The following ACACA variants were observed in gnomAD, a reference collection of about 807,000 sequenced individuals.
The protein encoded by ACACA is acetyl-CoA carboxylase 1.
In ACACA, 103 loss-of-function variants were observed where a neutral mutation model predicts 296.1. The observed-to-expected ratio is 0.35, with a 90% CI of 0.30 to 0.41. ACACA has a LOEUF of 0.41. ACACA is among the 10% of genes least tolerant of loss of function. The pLI, the probability that ACACA is intolerant of heterozygous loss-of-function variation, is 1.00. For synonymous variants in ACACA, 953 were observed against 1,038.6 expected, an observed-to-expected ratio of 0.92 and a Z score of 1.58; for missense variants, 1,554 against 2,989.7, an observed-to-expected ratio of 0.52 and a Z score of 11.20.
chr17:37,377,872 C>T lies in ACACA; in HGVS notation c.38+28390G>A, dbSNP rs747097384. On this transcript the variant is annotated intron_variant, in intron 1 of 55. Transcript: ENST00000616317. ...GGTTCCCCTCCTCCCCCTCTGCTCACCCCCAGACCTCAGAGATAGCAGTTG... is the reference window on the plus strand; with the variant it reads ...GGTTCCCCTCCTCCCCCTCTGCTCATCCCCAGACCTCAGAGATAGCAGTTG... The T allele has an allele frequency of 8.1e-6, 13 of 1,611,814 alleles. No homozygotes were observed. The African/African-American group carries it at 1.2e-4, about 15-fold the overall frequency.
intron 30 of ACACA, 79 bp downstream of exon 30, chr17:37,210,387 TG>T: frequency 7.8e-7 from 1 of 1,275,882 alleles, no homozygotes; most frequent in Non-Finnish European, 1.1e-6. Flanking sequence ...TCAAGTGTTG[TG>T]GTTTTTTTTT....
At chr17:37,294,390 T>C (rs2083228433) in intron 3 of ACACA, among the ~76,000 whole-genome samples, 1 of 152,234 alleles carries the variant, frequency 6.6e-6, no homozygotes, top group Non-Finnish European at 1.5e-5. Flanking sequence ...TTAAGTGCTC[T>C]TTTATTTATA....
chr17:37,165,313 T>C (rs898664948), intron 41 of ACACA, among the ~76,000 whole-genome samples: 1 of 152,136 alleles, frequency 6.6e-6, no homozygotes, highest in Non-Finnish European at 1.5e-5. Context: ...ATAGGGCATA[T>C]AAAGGTGAAC....
chr17:37,239,712 G>A (rs1045896194), intron 24 of ACACA, among the ~76,000 whole-genome samples: 3 of 152,096 alleles, frequency 2.0e-5, no homozygotes, highest in Non-Finnish European at 2.9e-5. Context: ...CCTTGAATGC[G>A]TGGGATAAAG....
At chr17:37,386,571 G>A (rs986740078) in intron 1 of ACACA, among the ~76,000 whole-genome samples, 1 of 151,632 alleles carries the variant, frequency 6.6e-6, no homozygotes, top group Non-Finnish European at 1.5e-5. Context: ...CAGCAGGGGC[G>A]ACAGAGTGAG....
At chr17:37,195,561 G>A (rs550367550) in intron 35 of ACACA, among the ~76,000 whole-genome samples, 11 of 151,732 alleles carry the variant, frequency 7.2e-5, no homozygotes, top group South Asian at 4.2e-4. Flanking sequence ...GTAACTCCCC[G>A]GTAAAATCCT....
At chr17:37,382,001 A>G (rs771654459) in intron 1 of ACACA, among the ~76,000 whole-genome samples, 3 of 152,104 alleles carry the variant, frequency 2.0e-5, no homozygotes, top group Non-Finnish European at 4.4e-5. Context: ...AAATACAAAC[A>G]ATTCCGAAAA....
At chr17:37,110,036 G>A (rs1456824412) in intron 52 of ACACA, among the ~76,000 whole-genome samples, 2 of 150,384 alleles carry the variant, frequency 1.3e-5, no homozygotes, top group African/African-American at 4.9e-5. Flanking sequence ...GACCGACTTT[G>A]ACAAATTTTA....
chr17:37,343,322 A>G (rs1253603682), intron 1 of ACACA, among the ~76,000 whole-genome samples: 1 of 152,204 alleles, frequency 6.6e-6, no homozygotes, highest in Non-Finnish European at 1.5e-5. Flanking sequence ...TACCAAATTT[A>G]GTTAGCATAT....
At chr17:37,273,884 G>GAA (rs2082167700) in intron 9 of ACACA, among the ~76,000 whole-genome samples, 3 of 152,178 alleles carry the variant, frequency 2.0e-5, no homozygotes. Context: ...GAGAGAGAGA[G>GAA]AATCAGCACC....
intron 3 of ACACA, among the ~76,000 whole-genome samples, chr17:37,313,635 C>G (rs1343256626): frequency 1.3e-5 from 2 of 152,214 alleles, no homozygotes; most frequent in Non-Finnish European, 2.9e-5. Context: ...TATAATCTCA[C>G]TCCAGTTAAA....
At chr17:37,143,413 C>A (rs1304458590) in intron 45 of ACACA, among the ~76,000 whole-genome samples, 1 of 151,802 alleles carries the variant, frequency 6.6e-6, no homozygotes, top group Admixed American at 6.6e-5. Context: ...GTGCTGTGCA[C>A]CAATAAGAAC....
In ACACA at chr17:37,207,859, A is replaced by G. The variant is rs990125175; in HGVS notation, c.3708-59T>C. 3.8e-5 allele frequency: 60 copies of G among 1,588,742 alleles called. 1 individual carries two copies. The African/African-American group carries it at 5.9e-4, about 16-fold the overall frequency. ...GGAGGGTAGGAGCAAGGACTGGGAA[A>G]GTAACAGTAGGGAAAAGGAACTAGG... On this transcript the variant is annotated intron_variant, in intron 30 of 55. Coordinates refer to ENST00000616317, the MANE Select transcript of ACACA (RefSeq NM_198834.3).
intron 25 of ACACA, among the ~76,000 whole-genome samples, chr17:37,233,218 C>T (rs1477858697): frequency 1.3e-5 from 2 of 152,142 alleles, no homozygotes; most frequent in Non-Finnish European, 2.9e-5. Flanking sequence ...GCCTGAGCTC[C>T]GAACAGCTGC....
chr17:37,210,427 A>G, intron 30 of ACACA, 40 bp downstream of exon 30: 1 of 1,589,944 alleles, frequency 6.3e-7, no homozygotes, highest in Non-Finnish European at 8.6e-7. Flanking sequence ...AAGTTACATA[A>G]AGGTGCTTTT....
chr17:37,173,315 A>G (rs530232931), intron 41 of ACACA, among the ~76,000 whole-genome samples: 17 of 152,312 alleles, frequency 1.1e-4, no homozygotes, highest in African/African-American at 3.8e-4. Context: ...AAGTGAATTA[A>G]GACAGAGGGT....
rs73982224 is a variant in ACACA at position 37,100,321 on chromosome 17, C to T, written c.6566-2337G>A. Among the ~76,000 whole-genome samples, 172 of 152,162 alleles carry T rather than the reference C, an allele frequency of 1.1e-3. 1 individual carries two copies. Among genetic ancestry groups the T allele is most frequent in the African/African-American group, 4.1e-3 (169 of 41,518 alleles). ...AATGGTAACTTTATCGTGGATTAAC[C>T]TAGTGAACAACACCTTAAGCAAGTA... On this transcript the variant is annotated intron_variant, in intron 52 of 55. Transcript: ENST00000616317.
At chr17:37,301,966 G>C (rs1023049355) in intron 3 of ACACA, among the ~76,000 whole-genome samples, 2 of 151,900 alleles carry the variant, frequency 1.3e-5, no homozygotes, top group African/African-American at 4.8e-5. Context: ...CATTTATTTA[G>C]ATTTTATTTA....
chr17:37,241,918 G>C, intron 23 of ACACA, 35 bp downstream of exon 23: 1 of 1,538,844 alleles, frequency 6.5e-7, no homozygotes, highest in South Asian at 1.1e-5. Flanking sequence ...CATGAGTATG[G>C]ACAGGTCTGG....
Sources: allele counts gnomAD v4.1 joint callset (sites outside exome capture counted in the v4.1 genomes callset), GRCh38; gene constraint gnomAD v4.1.1; transcripts MANE v1.5; gene names NCBI Gene and HGNC (gene_info 2026-07-23, HGNC 2026-07-21).